Variants in ACTG1 observed in about 807,000 individuals in gnomAD.
The protein encoded by ACTG1 is actin, cytoplasmic 2.
In ACTG1, 14 loss-of-function variants were observed where a neutral mutation model predicts 34.3. That is an observed-to-expected ratio of 0.41 (90% CI 0.27 to 0.64). The LOEUF (loss-of-function observed/expected upper bound fraction) is 0.64. Ranked by LOEUF, ACTG1 falls within the 30% of genes least tolerant of loss-of-function variation. ACTG1 has a pLI of 0.33. For missense variants in ACTG1, 233 were observed against 529.5 expected (o/e 0.44, Z 5.50); for synonymous variants, 422 against 213.9 (o/e 1.97, Z -8.49).
chr17:81,512,171 G>A (rs781910131), intron 2 of ACTG1, 29 bp from the exon 3 acceptor site: 75 of 1,613,118 alleles, frequency 4.6e-5, no homozygotes, highest in South Asian at 3.6e-4. Context: ...CAGCCTCGCC[G>A]GCGACACCGA....
rs782209181 is a variant in ACTG1 at position 81,511,059 on chromosome 17, C to T, written c.852G>A (p.Lys284=). The T allele has an allele frequency of 6.8e-6, 11 of 1,613,952 alleles. No individual in the cohort carries two copies. In the Admixed American group the frequency reaches 8.3e-5, roughly 12 times the overall value. Residue 284 remains lysine (K), a synonymous_variant, in exon 5 of 6, where the codon AAG becomes AAA. Transcript: ENST00000573283. The part of the protein sequence containing the change: ...IHETTFNSIM[K]CDVDIRKDLY... ...GGTCTTTGCGGATGTCCACGTCACA[C>T]TTCATGATGGAGTTGAAGGTGGTCT...
rs782818918 is a variant in ACTG1, at chr17:81,512,371, A to C, written c.-6-11T>G. The C allele has an allele frequency of 6.2e-7, 1 of 1,613,854 alleles. No homozygotes were observed. The stretch of plus-strand genomic sequence containing the variant: ...TTCTTCCATTGCGACCTGCCCGGAA[A>C]AGGATGGACTCAGGCGGGCGCGTCT... On this transcript the variant is annotated splice_polypyrimidine_tract_variant and intron_variant, in intron 1 of 5. Transcript: ENST00000573283.
intron 5 of ACTG1, 40 bp from the exon 6 acceptor site, chr17:81,510,873 C>G (rs1246380616): frequency 1.2e-6 from 1 of 853,578 alleles, no homozygotes. Flanking sequence ...TCACAGAGCG[C>G]CCCCCAGTCA....
chr17:81,510,687 C>A lies in ACTG1; in HGVS notation c.*3G>T, dbSNP rs782383291. 1.9e-6 allele frequency: 3 copies of A among 1,613,830 alleles called. No homozygotes were observed. Among genetic ancestry groups the A allele is most frequent in the Non-Finnish European group, 2.5e-6 (3 of 1,179,992 alleles). On this transcript the variant is annotated 3_prime_UTR_variant, in exon 6 of 6. Transcript: ENST00000573283. ...GCAAATGCTACGCATCTGCTGAGTC[C>A]GTTTAGAAGCATTTGCGGTGGACGA...
chr17:81,512,562 C>T, intron 1 of ACTG1, 172 bp downstream of exon 1: 2 of 830,348 alleles, frequency 2.4e-6, no homozygotes, highest in Non-Finnish European at 3.8e-6. Context: ...GCGGCCGGGC[C>T]CCGCCCTGGA....
rs782754511 is a variant in ACTG1, at chr17:81,512,065, C to A, written c.201G>T (p.Leu67=). The stretch of plus-strand genomic sequence containing the variant: ...CGATGCCATGCTCAATGGGGTACTT[C>A]AGGGTCAGGATGCCACGCTTGCTCT... ...EAQSKRGILT[L]KYPIEHGIVT... The change falls in exon 3 of 6, where the codon CTG becomes CTT. Residue 67 remains leucine (L), a synonymous_variant. Coordinates refer to ENST00000573283, the MANE Select transcript of ACTG1 (RefSeq NM_001614.5). The A allele has an allele frequency of 1.2e-6, 2 of 1,614,010 alleles. No individual in the cohort carries two copies. The highest frequency in any genetic ancestry group is 1.1e-5 in the South Asian group (1 of 91,084).
rs188773798 is a variant in ACTG1, at chr17:81,512,374, G to T, written c.-6-14C>A. 8 of 1,613,764 alleles carry T rather than the reference G, an allele frequency of 5.0e-6. No homozygotes were observed. The South Asian group carries it at 6.6e-5, about 13-fold the overall frequency. ...TTCCATTGCGACCTGCCCGGAAAAG[G>T]ATGGACTCAGGCGGGCGCGTCTGTA... is the stretch of plus-strand genomic sequence containing the variant. On this transcript the variant is annotated splice_polypyrimidine_tract_variant and intron_variant, in intron 1 of 5. Coordinates refer to ENST00000573283, the MANE Select transcript of ACTG1 (RefSeq NM_001614.5).
chr17:81,511,788 G>A lies in ACTG1; in HGVS notation c.363+115C>T, dbSNP rs545109300. 94 of 1,571,736 alleles carry A rather than the reference G, an allele frequency of 6.0e-5. No individual in the cohort carries two copies. In the East Asian group the frequency reaches 9.7e-4, roughly 16 times the overall value. ...CTGGAGGCTTCAGGGAGGAAATGCC[G>A]GGAGAGGAACAGAGCCTGGAACAGC... is the stretch of plus-strand genomic sequence containing the variant. On this transcript the variant is annotated intron_variant, in intron 3 of 5. Coordinates refer to ENST00000573283, the MANE Select transcript of ACTG1 (RefSeq NM_001614.5).
chr17:81,510,264 A>T lies in ACTG1; in HGVS notation c.*426T>A, dbSNP rs782175358. On this transcript the variant is annotated 3_prime_UTR_variant, in exon 6 of 6. Coordinates refer to ENST00000573283, the MANE Select transcript of ACTG1 (RefSeq NM_001614.5). Reference sequence around the variant, plus strand: ...TCCAACCCTGACAGACCCGCAAGACAAAACAACTGGTTCTTGCCAGCCTCT... The same window carrying T: ...TCCAACCCTGACAGACCCGCAAGACTAAACAACTGGTTCTTGCCAGCCTCT... The T allele has an allele frequency of 1.9e-6, 1 of 517,346 alleles. No individual in the cohort carries two copies. The highest frequency in any genetic ancestry group is 1.6e-5 in the South Asian group (1 of 63,240). The allele number at this position is 517,346 out of a possible 1,614,324, so 32.0% of individuals were successfully genotyped here.
rs1369562125 is a variant in ACTG1 at position 81,510,530 on chromosome 17, C to T, written c.*160G>A. Reference sequence around the variant, plus strand: ...AGGTCAAAATCAGCAACAAGTTCTACAATCCAGTGCTGATATCAGATACAA... The same window carrying T: ...AGGTCAAAATCAGCAACAAGTTCTATAATCCAGTGCTGATATCAGATACAA... On this transcript the variant is annotated 3_prime_UTR_variant, in exon 6 of 6. Coordinates refer to ENST00000573283, the MANE Select transcript of ACTG1 (RefSeq NM_001614.5). 2.1e-6 allele frequency: 2 copies of T among 933,106 alleles called. No individual in the cohort carries two copies. Among genetic ancestry groups the T allele is most frequent in the African/African-American group, 3.3e-5 (2 of 61,306 alleles). The allele number at this position is 933,106 out of a possible 1,614,324, so 57.8% of individuals were successfully genotyped here.
chr17:81,512,393 G>C, intron 1 of ACTG1, 33 bp from the exon 2 acceptor site: 1 of 1,613,668 alleles, frequency 6.2e-7, no homozygotes, highest in Non-Finnish European at 8.5e-7. Context: ...AGGCGGGCGC[G>C]TCTGTAACAC....
In ACTG1 at chr17:81,512,363, G is replaced by C; in HGVS notation, c.-6-3C>G. The C allele has an allele frequency of 1.1e-5, 17 of 1,613,928 alleles. No individual in the cohort carries two copies. Among genetic ancestry groups the C allele is most frequent in the Non-Finnish European group, 1.4e-5 (17 of 1,179,950 alleles). ...GCGATCTCTTCTTCCATTGCGACCTGCCCGGAAAAGGATGGACTCAGGCGG... is the reference window on the plus strand; with the variant it reads ...GCGATCTCTTCTTCCATTGCGACCTCCCCGGAAAAGGATGGACTCAGGCGG... On this transcript the variant is annotated splice_region_variant and splice_polypyrimidine_tract_variant and intron_variant, in intron 1 of 5. Coordinates refer to ENST00000573283, the MANE Select transcript of ACTG1 (RefSeq NM_001614.5).
chr17:81,512,505 G>T, intron 1 of ACTG1, 145 bp from the exon 2 acceptor site: 3 of 1,351,438 alleles, frequency 2.2e-6, no homozygotes, highest in Non-Finnish European at 2.1e-6. Flanking sequence ...GCCTGGAACC[G>T]AAGGCCGGGC....
chr17:81,510,643 T>C lies in ACTG1; in HGVS notation c.*47A>G. On this transcript the variant is annotated 3_prime_UTR_variant, in exon 6 of 6. Transcript: ENST00000573283. The stretch of plus-strand genomic sequence containing the variant: ...TGCATTTGCCAGGGGCAAATTTCTA[T>C]TCTCAATTAACCCATGCAGCAAATG... The C allele has an allele frequency of 2.5e-6, 4 of 1,612,132 alleles. No homozygotes were observed. In the Middle Eastern group the frequency reaches 5.9e-4, roughly 237 times the overall value.
rs782600479 is a variant in ACTG1 at position 81,510,579 on chromosome 17, A to T, written c.*111T>A. 1 of 1,385,984 alleles carries T rather than the reference A, an allele frequency of 7.2e-7. No homozygotes were observed. Among genetic ancestry groups the T allele is most frequent in the Non-Finnish European group, 1.0e-6 (1 of 976,326 alleles). The allele number at this position is 1,385,984 out of a possible 1,614,324, so 85.9% of individuals were successfully genotyped here. On this transcript the variant is annotated 3_prime_UTR_variant, in exon 6 of 6. Transcript: ENST00000573283. ...AAGCTTCAAGGACAATTTCTTTTCG[A>T]AGGCTTATTCCAGTTTCGTGAGGCT...
At chr17:81,512,189 C>T in intron 2 of ACTG1, 43 bp downstream of exon 2, 1 of 1,613,464 alleles carries the variant, frequency 6.2e-7, no homozygotes, top group Non-Finnish European at 8.5e-7. Context: ...CGAACCCACC[C>T]CGCAACGCAG....
rs1555666288 is a variant in ACTG1, at chr17:81,510,621, AT to A, written c.*68del. On this transcript the variant is annotated 3_prime_UTR_variant, in exon 6 of 6. Coordinates refer to ENST00000573283, the MANE Select transcript of ACTG1 (RefSeq NM_001614.5). ...CGTGAGGCTAGCATGAGGTGTGTGC[AT>A]TTGCCAGGGGCAAATTTCTATTCTC... 6.2e-6 allele frequency: 10 copies of A among 1,604,268 alleles called. No homozygotes were observed.
At position 81,510,122 on chromosome 17, in the gene ACTG1, G is replaced by A. The variant is rs781916548; in HGVS notation, c.*568C>T. 3.6e-5 allele frequency: 17 copies of A among 465,982 alleles called. No homozygotes were observed. Among genetic ancestry groups the A allele is most frequent in the South Asian group, 2.2e-4 (14 of 64,588 alleles). The allele number at this position is 465,982 out of a possible 1,614,324, so 28.9% of individuals were successfully genotyped here. ...AAAAAACCTTACATAAATTAAGAAT[G>A]AATACATTTACAGGCGTAAATGCAA... On this transcript the variant is annotated 3_prime_UTR_variant, in exon 6 of 6. Transcript: ENST00000573283.
chr17:81,512,521 A>C, intron 1 of ACTG1, 161 bp from the exon 2 acceptor site: 3 of 1,189,086 alleles, frequency 2.5e-6, no homozygotes, highest in Non-Finnish European at 3.6e-6. Flanking sequence ...CGGGCCTTTT[A>C]CGTAACGTCC....
Sources: gnomAD v4.1 joint callset for allele counts on GRCh38, gnomAD v4.1.1 for gene constraint, MANE v1.5 for transcripts, NCBI Gene and HGNC (gene_info 2026-07-23, HGNC 2026-07-21) for gene names.